EYS: variants seen among roughly 807,000 people sequenced by gnomAD.
EYS encodes protein eyes shut homolog.
In EYS, 250 loss-of-function variants were observed where a neutral mutation model predicts 282.1. That is an observed-to-expected ratio of 0.89 (90% confidence interval 0.80 to 0.98). The LOEUF (loss-of-function observed/expected upper bound fraction) is 0.98. EYS is among the 50% of genes least tolerant of loss of function. The probability of loss-of-function intolerance (pLI) is 0.00; values close to 1 mark genes in which losing one functional copy is unlikely to be tolerated. For synonymous variants in EYS, 1,355 were observed against 1,282.9 expected (o/e 1.06, Z -1.20); for missense variants, 4,016 against 3,709.0 (o/e 1.08, Z -2.15).
At position 64,591,458 on chromosome 6, in the gene EYS, T is replaced by A. The variant is rs555692190; in HGVS notation, c.4409A>T (p.Glu1470Val). The A allele has an allele frequency of 6.4e-7, 1 of 1,551,388 alleles. No homozygotes were observed. The highest frequency in any genetic ancestry group is 2.4e-5 in the East Asian group (1 of 40,896). ...VVSRGAQEDI[E>V]EYSADSLISR... Reference sequence around the variant, plus strand: ...AATTAAAGAATCAGCTGAATATTCTTCAATATCCTCTTGAGCCCCCCTAGA... The same window carrying A: ...AATTAAAGAATCAGCTGAATATTCTACAATATCCTCTTGAGCCCCCCTAGA... The change falls in exon 26 of 43, where the codon GAA becomes GTA. Residue 1470 changes from glutamate (E) to valine (V), a missense_variant. Coordinates refer to ENST00000503581, the MANE Select transcript of EYS (RefSeq NM_001142800.2).
At chr6:64,138,843 G>A (rs1279569007) in intron 31 of EYS, among the ~76,000 whole-genome samples, 1 of 152,160 alleles carries the variant, frequency 6.6e-6, no homozygotes, top group Non-Finnish European at 1.5e-5. Flanking sequence ...ATGTTGGCAG[G>A]TAAGAAATTA....
intron 31 of EYS, among the ~76,000 whole-genome samples, chr6:64,181,457 A>G (rs1489177758): frequency 3.3e-5 from 5 of 152,092 alleles, no homozygotes; most frequent in African/African-American, 4.8e-5. Context: ...ACAAAGTCCA[A>G]AATTTTCTAT....
At chr6:63,959,819 A>G (rs1765976123) in intron 35 of EYS, among the ~76,000 whole-genome samples, 1 of 152,158 alleles carries the variant, frequency 6.6e-6, no homozygotes, top group South Asian at 2.1e-4. Flanking sequence ...CAGTGAGAAC[A>G]CATGGACACA....
chr6:64,311,000 G>A (rs767371476), intron 29 of EYS, among the ~76,000 whole-genome samples: 9 of 151,962 alleles, frequency 5.9e-5, no homozygotes, highest in Non-Finnish European at 1.3e-4. Context: ...AATGGTGATA[G>A]TTGATAGTAG....
chr6:64,424,517 A>G (rs1306746809), intron 28 of EYS, among the ~76,000 whole-genome samples: 2 of 152,188 alleles, frequency 1.3e-5, no homozygotes, highest in Non-Finnish European at 1.5e-5. Flanking sequence ...TCTGATTTTT[A>G]TGGCTGCACC....
At chr6:65,187,777 G>C (rs958010268) in intron 12 of EYS, among the ~76,000 whole-genome samples, 4 of 151,536 alleles carry the variant, frequency 2.6e-5, no homozygotes, top group Non-Finnish European at 5.9e-5. Flanking sequence ...GAAAAAGTTT[G>C]GTAATTATGG....
At chr6:65,533,526 A>C (rs561340324) in intron 2 of EYS, among the ~76,000 whole-genome samples, 1 of 152,094 alleles carries the variant, frequency 6.6e-6, no homozygotes, top group Admixed American at 6.6e-5. Context: ...GGAGAGACAC[A>C]ATAAAAAAAG....
At chr6:64,652,692 A>G (rs944864971) in intron 22 of EYS, among the ~76,000 whole-genome samples, 10 of 152,216 alleles carry the variant, frequency 6.6e-5, no homozygotes, top group African/African-American at 2.4e-4. Flanking sequence ...GTTATGCAGC[A>G]ATATGAAACT....
chr6:65,236,836 CTT>C (rs1354508542), intron 12 of EYS, among the ~76,000 whole-genome samples: 1 of 152,176 alleles, frequency 6.6e-6, no homozygotes, highest in African/African-American at 2.4e-5. Context: ...CACTTTTCAT[CTT>C]TGCCTGATGC....
rs574233384 is a variant in EYS, at chr6:65,517,494, C to G, written c.-332-21501G>C. The stretch of plus-strand genomic sequence containing the variant: ...TAATAAAATTACGGTTGAAGCAATA[C>G]TTACGTATTATGTAAAGTGAGGTTA... On this transcript the variant is annotated intron_variant, in intron 2 of 42. Coordinates refer to ENST00000503581, the MANE Select transcript of EYS (RefSeq NM_001142800.2). Among the ~76,000 whole-genome samples, 18 of 152,070 alleles carry G rather than the reference C, an allele frequency of 1.2e-4. 1 individual carries two copies. The highest frequency in any genetic ancestry group is 1.0e-3 in the Admixed American group (16 of 15,262).
At chr6:64,738,750 G>T (rs770030352) in intron 22 of EYS, among the ~76,000 whole-genome samples, 1 of 152,108 alleles carries the variant, frequency 6.6e-6, no homozygotes, top group African/African-American at 2.4e-5. Flanking sequence ...AAAGGAAAAA[G>T]ACTCAAATTT....
intron 30 of EYS, among the ~76,000 whole-genome samples, chr6:64,298,241 A>G (rs1769108153): frequency 6.6e-6 from 1 of 152,152 alleles, no homozygotes; most frequent in African/African-American, 2.4e-5. Context: ...AAATAATTAA[A>G]CAGATTAATA....
At chr6:65,394,143 CTAAA>C (rs1766169865) in intron 7 of EYS, among the ~76,000 whole-genome samples, 1 of 151,968 alleles carries the variant, frequency 6.6e-6, no homozygotes, top group African/African-American at 2.4e-5. Context: ...TCATTTTACT[CTAAA>C]TAGTAAAAAT....
chr6:63,804,615 G>A (rs1770858162), intron 37 of EYS, among the ~76,000 whole-genome samples: 1 of 152,188 alleles, frequency 6.6e-6, no homozygotes, highest in Non-Finnish European at 1.5e-5. Flanking sequence ...TGGAAGAAGA[G>A]CTGTAGGAGA....
At chr6:64,019,286 T>C (rs937194953) in intron 33 of EYS, among the ~76,000 whole-genome samples, 3 of 152,212 alleles carry the variant, frequency 2.0e-5, no homozygotes, top group Non-Finnish European at 4.4e-5. Context: ...ACATAACATC[T>C]TGATTTCAGA....
At chr6:64,319,918 A>C (rs545605488) in intron 29 of EYS, among the ~76,000 whole-genome samples, 1 of 151,996 alleles carries the variant, frequency 6.6e-6, no homozygotes, top group East Asian at 1.9e-4. Context: ...TGCAGTTCCA[A>C]GTTATTACTT....
intron 26 of EYS, among the ~76,000 whole-genome samples, chr6:64,585,474 A>G (rs539703795): frequency 6.6e-6 from 1 of 152,228 alleles, no homozygotes; most frequent in Admixed American, 6.6e-5. Context: ...ATAAATGTTG[A>G]AACTTTTATT....
intron 29 of EYS, among the ~76,000 whole-genome samples, chr6:64,315,182 G>T (rs2150380759): frequency 6.6e-6 from 1 of 152,270 alleles, no homozygotes; most frequent in Non-Finnish European, 1.5e-5. Flanking sequence ...TAGAAGAAAT[G>T]AATAAATTTC....
intron 22 of EYS, among the ~76,000 whole-genome samples, chr6:64,665,519 T>G (rs1769198398): frequency 6.6e-6 from 1 of 152,182 alleles, no homozygotes; most frequent in South Asian, 2.1e-4. Context: ...ATTCTAAGTT[T>G]TTTGGATGTT....
Sources: allele counts gnomAD v4.1 joint callset (sites outside exome capture counted in the v4.1 genomes callset), GRCh38; gene constraint gnomAD v4.1.1; transcripts MANE v1.5; gene names NCBI Gene and HGNC (gene_info 2026-07-23, HGNC 2026-07-21).